The following MAN1C1 variants were observed in gnomAD, a reference collection of about 807,000 sequenced individuals.
MAN1C1 encodes the protein mannosidase alpha class 1C member 1, also known as mannosyl-oligosaccharide 1,2-alpha-mannosidase IC.
A neutral mutation model predicts 71.5 loss-of-function variants in MAN1C1; 49 were observed. That is an observed-to-expected ratio of 0.69 (90% CI 0.54 to 0.87). The LOEUF (loss-of-function observed/expected upper bound fraction) is 0.87. MAN1C1 is among the 40% of genes least tolerant of loss of function. MAN1C1 has a pLI of 0.00. For missense variants in MAN1C1, 743 were observed against 835.0 expected, an observed-to-expected ratio of 0.89 and a Z score of 1.36; for synonymous variants, 352 against 343.7, an observed-to-expected ratio of 1.02 and a Z score of -0.27.
chr1:25,624,200 G>T (rs2045258620), intron 1 of MAN1C1, among the ~76,000 whole-genome samples: 3 of 152,184 alleles, frequency 2.0e-5, no homozygotes, highest in Admixed American at 2.0e-4. Context: ...AGGAACTTAG[G>T]CCCCTCCGTC....
At chr1:25,713,102 C>T (rs949545339) in intron 2 of MAN1C1, among the ~76,000 whole-genome samples, 4 of 152,218 alleles carry the variant, frequency 2.6e-5, no homozygotes, top group Non-Finnish European at 5.9e-5. Flanking sequence ...AACTAGTCTT[C>T]CCATTTTCCC....
intron 3 of MAN1C1, among the ~76,000 whole-genome samples, chr1:25,748,157 G>A (rs1007018378): frequency 1.3e-5 from 2 of 152,170 alleles, no homozygotes; most frequent in African/African-American, 4.8e-5. Context: ...CTTAGGAGCT[G>A]GGGGACACTC....
intron 8 of MAN1C1, among the ~76,000 whole-genome samples, chr1:25,773,205 C>T (rs1266625785): frequency 1.4e-5 from 2 of 144,744 alleles, no homozygotes; most frequent in Non-Finnish European, 3.0e-5. Flanking sequence ...TGCATGGGTG[C>T]ATGAATGCTG....
rs1467065745 is a variant in MAN1C1, at chr1:25,763,943, C to T, written c.1117C>T (p.Pro373Ser). The change falls in exon 7 of 12, where the codon CCA becomes TCA. Residue 373 changes from proline to serine, a missense_variant. Transcript: ENST00000374332. ...PFGLYPNFLSPVSGNWVQHHV... is the reference protein window; with the variant it reads ...PFGLYPNFLSSVSGNWVQHHV... ...TGGCCTCTACCCCAACTTCCTCAGC[C>T]CAGTGAGTGGGAACTGGGTGCAACG... 1 of 1,613,886 alleles carries T rather than the reference C, an allele frequency of 6.2e-7. No individual in the cohort carries two copies. The highest frequency in any genetic ancestry group is 8.5e-7 in the Non-Finnish European group (1 of 1,179,984).
At chr1:25,698,950 A>AG (rs1557770481) in intron 2 of MAN1C1, among the ~76,000 whole-genome samples, 1 of 123,228 alleles carries the variant, frequency 8.1e-6, no homozygotes, top group African/African-American at 2.8e-5. Context: ...TCTGTCTTGG[A>AG]AAAAAAAAAA....
chr1:25,729,860 G>C (rs1030754869), intron 2 of MAN1C1, among the ~76,000 whole-genome samples: 2 of 152,120 alleles, frequency 1.3e-5, no homozygotes, highest in African/African-American at 4.8e-5. Flanking sequence ...GAGTGTGTGT[G>C]AGGTCACACA....
At chr1:25,642,142 G>C (rs1461494132) in intron 1 of MAN1C1, among the ~76,000 whole-genome samples, 1 of 152,132 alleles carries the variant, frequency 6.6e-6, no homozygotes, top group African/African-American at 2.4e-5. Context: ...ATATTTGCTT[G>C]TCCCGAAGTC....
At chr1:25,641,838 A>G (rs2045541907) in intron 1 of MAN1C1, among the ~76,000 whole-genome samples, 1 of 152,242 alleles carries the variant, frequency 6.6e-6, no homozygotes. Flanking sequence ...CAGAGTTAAG[A>G]GCAGACACTG....
At position 25,686,525 on chromosome 1, in the gene MAN1C1, G is replaced by A. The variant is rs768469447; in HGVS notation, c.626G>A (p.Gly209Asp). Reference protein sequence around the residue: ...LRPLTKDGYEGNMFGGLSGAT... With the variant: ...LRPLTKDGYEDNMFGGLSGAT... ...CCACTAACAAAAGATGGCTACGAGGGTAACATGTTCGGTGAGTCGATTCAA... is the reference window on the plus strand; with the variant it reads ...CCACTAACAAAAGATGGCTACGAGGATAACATGTTCGGTGAGTCGATTCAA... Residue 209 changes from glycine (G) to aspartate (D), a missense_variant, in exon 2 of 12, where the codon GGT (glycine) becomes GAT (aspartate). Transcript: ENST00000374332. The A allele has an allele frequency of 1.9e-6, 3 of 1,614,116 alleles. No homozygotes were observed. Among genetic ancestry groups the A allele is most frequent in the African/African-American group, 2.7e-5 (2 of 75,052 alleles).
At chr1:25,763,436 C>T (rs1199757899) in intron 6 of MAN1C1, among the ~76,000 whole-genome samples, 3 of 141,918 alleles carry the variant, frequency 2.1e-5, no homozygotes, top group Non-Finnish European at 3.0e-5. Flanking sequence ...TTGCAGTGAG[C>T]CAAGATCGTG....
Position 25,639,894 on chromosome 1 carries a change from C to G in MAN1C1, c.540+21557C>G, listed in dbSNP as rs137980372. Reference sequence around the variant, plus strand: ...GTATTTTTTGCTCATCTGCTTTTAGCTGTTAGAAGAAAATGTTTGTTGATA... The same window carrying G: ...GTATTTTTTGCTCATCTGCTTTTAGGTGTTAGAAGAAAATGTTTGTTGATA... On this transcript the variant is annotated intron_variant, in intron 1 of 11. Coordinates refer to ENST00000374332, the MANE Select transcript of MAN1C1 (RefSeq NM_020379.4). Among the ~76,000 whole-genome samples the G allele has an allele frequency of 3.5e-4, 54 of 152,256 alleles. No individual in the cohort carries two copies. In the East Asian group the frequency reaches 0.01, roughly 29 times the overall value.
intron 3 of MAN1C1, among the ~76,000 whole-genome samples, chr1:25,747,197 C>T (rs1346463657): frequency 6.6e-6 from 1 of 152,200 alleles, no homozygotes; most frequent in Non-Finnish European, 1.5e-5. Context: ...AGCCTTGAGC[C>T]CGCCCTGCAC....
In MAN1C1 at chr1:25,735,498, GTGTA is replaced by G. The variant is rs1202332728; in HGVS notation, c.638-11162_638-11159del. ...TGTATGTATATATGTGTGTATATGT[GTGTA>G]TGTATGTGTGTGTATATATATGTGT... On this transcript the variant is annotated intron_variant, in intron 2 of 11. Coordinates refer to ENST00000374332, the MANE Select transcript of MAN1C1 (RefSeq NM_020379.4). This position sits in a 1 kb window ranked among gnomAD's most constrained non-coding sequence, Gnocchi z 4.6. Among the ~76,000 whole-genome samples the G allele has an allele frequency of 2.0e-5, 3 of 152,144 alleles. No homozygotes were observed. The highest frequency in any genetic ancestry group is 4.8e-5 in the African/African-American group (2 of 41,408).
intron 2 of MAN1C1, among the ~76,000 whole-genome samples, chr1:25,701,713 G>T (rs1470779607): frequency 1.3e-5 from 2 of 152,182 alleles, no homozygotes; most frequent in Non-Finnish European, 2.9e-5. Flanking sequence ...ATGTGCCTCT[G>T]TTGACCCTAT....
In MAN1C1 at chr1:25,753,069, G is replaced by A. The variant is rs1234207069; in HGVS notation, c.835-415G>A. On this transcript the variant is annotated intron_variant, in intron 4 of 11. Transcript: ENST00000374332. The surrounding 1 kb of genome is among the most constrained non-coding windows in gnomAD (Gnocchi z 4.9). ...GGCATTGACCTTTGGAGACCGGCCC[G>A]TCTCTGCCAGGTCTTCATCTGGACT... Among the ~76,000 whole-genome samples the A allele has an allele frequency of 6.6e-6, 1 of 152,226 alleles. No homozygotes were observed. Among genetic ancestry groups the A allele is most frequent in the African/African-American group, 2.4e-5 (1 of 41,532 alleles).
intron 2 of MAN1C1, among the ~76,000 whole-genome samples, chr1:25,734,327 C>T (rs1481532564): frequency 6.6e-6 from 1 of 152,098 alleles, no homozygotes; most frequent in Non-Finnish European, 1.5e-5. Context: ...TGGGGTTTCA[C>T]CATGTTGGCC....
At chr1:25,752,149 C>T (rs971825251) in intron 4 of MAN1C1, among the ~76,000 whole-genome samples, 2 of 152,152 alleles carry the variant, frequency 1.3e-5, no homozygotes, top group African/African-American at 4.8e-5. Flanking sequence ...ACCACAGCTG[C>T]ACACGTGAGG....
intron 6 of MAN1C1, among the ~76,000 whole-genome samples, chr1:25,762,162 T>A (rs1309686056): frequency 6.8e-6 from 1 of 146,578 alleles, no homozygotes; most frequent in Non-Finnish European, 1.5e-5. Flanking sequence ...AGTCTCACTC[T>A]GTTGCCCAGG....
intron 1 of MAN1C1, among the ~76,000 whole-genome samples, chr1:25,679,696 T>G (rs1401613285): frequency 6.6e-6 from 1 of 152,010 alleles, no homozygotes; most frequent in Admixed American, 6.6e-5. Flanking sequence ...TGTTTTTCAC[T>G]CATTTGCTTT....
Sources: allele counts gnomAD v4.1 joint callset (sites outside exome capture counted in the v4.1 genomes callset), GRCh38; gene constraint gnomAD v4.1.1; non-coding constraint Gnocchi (gnomAD v3.1); transcripts MANE v1.5; gene names NCBI Gene and HGNC (gene_info 2026-07-23, HGNC 2026-07-21).